Variants in DENND1B observed in about 807,000 individuals in gnomAD.
DENND1B encodes the protein DENN domain containing 1B, also known as DENN domain-containing protein 1B.
In DENND1B, 59 loss-of-function variants were observed where a neutral mutation model predicts 90.1. The observed-to-expected ratio is 0.65, with a 90% confidence interval of 0.53 to 0.81. DENND1B has a LOEUF of 0.81. Among genes scored for constraint, DENND1B ranks in the 40% least tolerant of loss-of-function variants. The pLI is 0.00. For synonymous variants in DENND1B, 337 were observed against 324.6 expected (o/e 1.04, Z -0.41); for missense variants, 862 against 912.6 (o/e 0.94, Z 0.71).
intron 2 of DENND1B, among the ~76,000 whole-genome samples, chr1:197,738,919 CAGTG>C (rs1662961750): frequency 6.6e-6 from 1 of 152,140 alleles, no homozygotes; most frequent in South Asian, 2.1e-4. Context: ...AGGCAGAGCC[CAGTG>C]GTCTTCCTGA....
chr1:197,762,408 A>G (rs1206156302), intron 2 of DENND1B, among the ~76,000 whole-genome samples: 2 of 152,138 alleles, frequency 1.3e-5, no homozygotes, highest in Non-Finnish European at 2.9e-5. Context: ...CTGAGACTAC[A>G]GGTGCCCGCC....
chr1:197,633,261 G>T (rs1572137161), intron 10 of DENND1B, among the ~76,000 whole-genome samples: 1 of 152,168 alleles, frequency 6.6e-6, no homozygotes, highest in Non-Finnish European at 1.5e-5. Context: ...TATTGTACAG[G>T]AATTCAAATA....
At chr1:197,554,104 C>CACACAA (rs1671491307) in intron 15 of DENND1B, among the ~76,000 whole-genome samples, 1 of 8,866 alleles carries the variant, frequency 1.1e-4, no homozygotes, top group Non-Finnish European at 4.1e-4. Flanking sequence ...TGATTATACA[C>CACACAA]ACACACACAC....
At chr1:197,572,204 T>C (rs998874555) in intron 15 of DENND1B, among the ~76,000 whole-genome samples, 1 of 152,084 alleles carries the variant, frequency 6.6e-6, no homozygotes, top group Non-Finnish European at 1.5e-5. Flanking sequence ...AAACGGGACA[T>C]TTCTGCCCAA....
intron 10 of DENND1B, among the ~76,000 whole-genome samples, chr1:197,638,515 ATAGT>A (rs940933827): frequency 1.5e-4 from 23 of 152,278 alleles, no homozygotes; most frequent in African/African-American, 4.1e-4. Context: ...CCCCAGCTGA[ATAGT>A]TAGAGAAAGT....
chr1:197,763,084 G>C (rs973420093), intron 2 of DENND1B, among the ~76,000 whole-genome samples: 7 of 152,130 alleles, frequency 4.6e-5, no homozygotes, highest in Admixed American at 4.6e-4. Context: ...GCCAAGGCAG[G>C]AGGATTACTT....
chr1:197,754,733 C>T (rs1416136990), intron 2 of DENND1B, among the ~76,000 whole-genome samples: 1 of 127,970 alleles, frequency 7.8e-6, no homozygotes, highest in Non-Finnish European at 1.6e-5. Flanking sequence ...ATGTTCATAA[C>T]AAATTATCAA....
chr1:197,569,095 A>G lies in DENND1B; in HGVS notation c.1149+14057T>C, dbSNP rs555065646. 3.9e-5 allele frequency among the ~76,000 whole-genome samples: 6 copies of G among 152,226 alleles called. No individual in the cohort carries two copies. The South Asian group carries it at 1.2e-3, about 32-fold the overall frequency. ...AAACAAATTAATAAGAAAATAAATAACCCAATTAAAAATGGGCAAAATATT... is the reference window on the plus strand; with the variant it reads ...AAACAAATTAATAAGAAAATAAATAGCCCAATTAAAAATGGGCAAAATATT... On this transcript the variant is annotated intron_variant, in intron 15 of 22. Coordinates refer to ENST00000620048, the MANE Select transcript of DENND1B (RefSeq NM_001195215.2).
rs759108636 is a variant in DENND1B, at chr1:197,758,960, A to ATTTTTTTTTTT, written c.82+13897_82+13907dup. 6.2e-4 allele frequency among the ~76,000 whole-genome samples: 61 copies of ATTTTTTTTTTT among 97,830 alleles called. 2 individuals carry two copies. The highest frequency in any genetic ancestry group is 2.1e-3 in the African/African-American group (57 of 27,286). The allele number at this position is 97,830 out of a possible 152,430, so 64.2% of individuals were successfully genotyped here. ...TCCCAAAGAATAGAGTACTTCATTA[A>ATTTTTTTTTTT]TTTTTTTTTTTTTTTTTTTTTTTTT... On this transcript the variant is annotated intron_variant, in intron 2 of 22. Transcript: ENST00000620048.
rs1362927275 is a variant in DENND1B at position 197,658,346 on chromosome 1, T to C, written c.320A>G (p.Tyr107Cys). The change falls in exon 6 of 23, where the codon TAT (tyrosine) becomes TGT (cysteine). Residue 107 changes from tyrosine (Y) to cysteine (C), a missense_variant. Transcript: ENST00000620048. Reference sequence around the variant, plus strand: ...TGCAAGAGTATTTAGAAGCTTGTAATACACTTCAAACCAGGGAAGGTAACT... The same window carrying C: ...TGCAAGAGTATTTAGAAGCTTGTAACACACTTCAAACCAGGGAAGGTAACT... ...ILSYLPWFEV[Y>C]YKLLNTLADY... 4 of 1,608,752 alleles carry C rather than the reference T, an allele frequency of 2.5e-6. No individual in the cohort carries two copies. The highest frequency in any genetic ancestry group is 3.4e-6 in the Non-Finnish European group (4 of 1,176,668).
intron 5 of DENND1B, among the ~76,000 whole-genome samples, chr1:197,664,674 A>C (rs1476368488): frequency 6.6e-6 from 1 of 152,160 alleles, no homozygotes; most frequent in African/African-American, 2.4e-5. Context: ...GCAGGAACCT[A>C]ACTTATAGTA....
intron 10 of DENND1B, among the ~76,000 whole-genome samples, chr1:197,623,115 G>A (rs1271834793): frequency 3.3e-5 from 5 of 151,346 alleles, no homozygotes; most frequent in African/African-American, 1.2e-4. Context: ...ACTTCAGCTA[G>A]AGTTATAGGA....
At chr1:197,580,476 G>A (rs1270194853) in intron 15 of DENND1B, among the ~76,000 whole-genome samples, 4 of 151,876 alleles carry the variant, frequency 2.6e-5, no homozygotes, top group African/African-American at 9.7e-5. Flanking sequence ...ATTTTAGCTG[G>A]AAGAATTATT....
chr1:197,653,021 A>G (rs1653408135), intron 6 of DENND1B, among the ~76,000 whole-genome samples: 1 of 152,052 alleles, frequency 6.6e-6, no homozygotes, highest in Non-Finnish European at 1.5e-5. Flanking sequence ...ATCAAAGGAA[A>G]AGGCAATTGT....
chr1:197,616,679 T>C (rs936337633), intron 11 of DENND1B, among the ~76,000 whole-genome samples: 1 of 151,152 alleles, frequency 6.6e-6, no homozygotes, highest in Admixed American at 6.6e-5. Flanking sequence ...TGAACTTAAA[T>C]CATTTTTAAT....
chr1:197,719,162 C>T (rs2102261373), intron 2 of DENND1B, among the ~76,000 whole-genome samples: 1 of 152,188 alleles, frequency 6.6e-6, no homozygotes, highest in East Asian at 1.9e-4. Context: ...GAAAGAGAGG[C>T]AGTATGTACA....
chr1:197,774,774 G>T (rs746809786), intron 1 of DENND1B, among the ~76,000 whole-genome samples: 1 of 152,204 alleles, frequency 6.6e-6, no homozygotes, highest in Admixed American at 6.5e-5. Flanking sequence ...CACACAGGCA[G>T]CCCCAGGAGA....
intron 3 of DENND1B, among the ~76,000 whole-genome samples, chr1:197,685,437 C>T (rs1018177919): frequency 5.9e-5 from 9 of 151,988 alleles, no homozygotes; most frequent in South Asian, 2.1e-4. Flanking sequence ...ATAACTCCTT[C>T]AACTTAAAGC....
In DENND1B at chr1:197,715,076, T is replaced by C; in HGVS notation, c.83-2A>G. ...GGAATTTCCACAATACCACAGGATC[T>C]GTAAATAATTGACATGTATAATTAA... On this transcript the variant is annotated splice_acceptor_variant, in intron 2 of 22. Coordinates refer to ENST00000620048, the MANE Select transcript of DENND1B (RefSeq NM_001195215.2). LOFTEE classifies it high-confidence loss of function. 1 of 1,609,988 alleles carries C rather than the reference T, an allele frequency of 6.2e-7. No homozygotes were observed. The highest frequency in any genetic ancestry group is 1.3e-5 in the African/African-American group (1 of 74,980).
Sources: gnomAD v4.1 joint callset for allele counts (sites outside exome capture counted in the v4.1 genomes callset) on GRCh38, gnomAD v4.1.1 for gene constraint, MANE v1.5 for transcripts, NCBI Gene and HGNC (gene_info 2026-07-23, HGNC 2026-07-21) for gene names.